PKD2L1: variants seen among roughly 807,000 people sequenced by gnomAD.
PKD2L1 encodes polycystin-2-like protein 1.
A neutral mutation model predicts 93.0 loss-of-function variants in PKD2L1; 77 were observed. That is an observed-to-expected ratio of 0.83 (90% confidence interval 0.69 to 1.00). PKD2L1 has a LOEUF of 1.00. Ranked by LOEUF, PKD2L1 falls within the 50% of genes least tolerant of loss-of-function variation. The pLI is 0.00. For missense variants in PKD2L1, 977 were observed against 990.9 expected (o/e 0.99, Z 0.19); for synonymous variants, 390 against 388.0 (o/e 1.01, Z -0.06).
intron 2 of PKD2L1, among the ~76,000 whole-genome samples, chr10:100,310,177 A>G (rs1848901683): frequency 6.6e-6 from 1 of 152,060 alleles, no homozygotes; most frequent in Non-Finnish European, 1.5e-5. Context: ...CTACAAAAAG[A>G]GAAAAAATTA....
At position 100,296,960 on chromosome 10, in the gene PKD2L1, C is replaced by T; in HGVS notation, c.1185+20G>A. 1 of 1,543,866 alleles carries T rather than the reference C, an allele frequency of 6.5e-7. No individual in the cohort carries two copies. Among genetic ancestry groups the T allele is most frequent in the Non-Finnish European group, 9.0e-7 (1 of 1,116,848 alleles). On this transcript the variant is annotated intron_variant, in intron 6 of 15. Coordinates refer to ENST00000318222, the MANE Select transcript of PKD2L1 (RefSeq NM_016112.3). ...CTCCTCACCCCAGAATGTCCCAAGT[C>T]CTAGATATCTGTCCCTCACCAAGAT...
intron 2 of PKD2L1, among the ~76,000 whole-genome samples, chr10:100,313,159 G>C (rs974909935): frequency 6.6e-6 from 1 of 152,154 alleles, no homozygotes; most frequent in Non-Finnish European, 1.5e-5. Context: ...GAGCTATTTT[G>C]CTCAAGATCT....
chr10:100,300,025 T>C (rs1053919242), intron 2 of PKD2L1, among the ~76,000 whole-genome samples: 1 of 152,264 alleles, frequency 6.6e-6, no homozygotes, highest in Non-Finnish European at 1.5e-5. Flanking sequence ...CCAGCTTAAC[T>C]TCCCAGTTCT....
intron 9 of PKD2L1, 36 bp downstream of exon 9, chr10:100,294,499 G>A (rs1004889708): frequency 6.2e-7 from 1 of 1,612,224 alleles, no homozygotes; most frequent in Non-Finnish European, 8.5e-7. Context: ...CACCCTGCAG[G>A]CTCTCTATGT....
chr10:100,308,130 T>C (rs768225255), intron 2 of PKD2L1, among the ~76,000 whole-genome samples: 3 of 152,014 alleles, frequency 2.0e-5, no homozygotes, highest in Non-Finnish European at 4.4e-5. Flanking sequence ...TGGACAGAAA[T>C]TAAATTCTTC....
intron 2 of PKD2L1, among the ~76,000 whole-genome samples, chr10:100,327,120 C>T (rs1849396764): frequency 6.6e-6 from 1 of 152,156 alleles, no homozygotes; most frequent in Non-Finnish European, 1.5e-5. Context: ...CTCAGTCCAA[C>T]GTCTGGCTCA....
chr10:100,307,174 C>T (rs1371636720), intron 2 of PKD2L1, among the ~76,000 whole-genome samples: 1 of 152,184 alleles, frequency 6.6e-6, no homozygotes, highest in African/African-American at 2.4e-5. Context: ...GTGTTAAGTG[C>T]TTGACATGCT....
intron 2 of PKD2L1, among the ~76,000 whole-genome samples, chr10:100,309,072 A>G (rs1280998908): frequency 6.6e-6 from 1 of 152,130 alleles, no homozygotes; most frequent in Non-Finnish European, 1.5e-5. Context: ...CAAAAATGAT[A>G]CCTGGGTTAT....
intron 2 of PKD2L1, among the ~76,000 whole-genome samples, chr10:100,301,064 G>A (rs775587403): frequency 1.9e-4 from 29 of 152,100 alleles, no homozygotes; most frequent in African/African-American, 6.3e-4. Flanking sequence ...GTCACATGTC[G>A]GCAGGTTCCA....
chr10:100,297,337 C>T (rs746542951), intron 5 of PKD2L1, 45 bp downstream of exon 5: 30 of 1,565,212 alleles, frequency 1.9e-5, no homozygotes, highest in South Asian at 4.4e-5. Flanking sequence ...GAGACGGGAA[C>T]CAGGAGCCAT....
In PKD2L1 at chr10:100,288,412, G is replaced by A. The variant is rs751912666; in HGVS notation, c.2402C>T (p.Thr801Met). The change falls in exon 16 of 16, where the codon ACG (threonine) becomes ATG (methionine). Residue 801 changes from threonine (T) to methionine (M), a missense_variant. Thr to Met is a moderately conservative substitution (Grantham distance 81). Coordinates refer to ENST00000318222, the MANE Select transcript of PKD2L1 (RefSeq NM_016112.3). The stretch of plus-strand genomic sequence containing the variant: ...GCCTCACACTTAACTCCTCTGCAAC[G>A]TTGGAATCTCACCACGGGAGAGTCT... Reference protein sequence around the residue: ...ERRLSRGEIPTLQRS With the variant: ...ERRLSRGEIPMLQRS 2.8e-5 allele frequency: 45 copies of A among 1,610,546 alleles called. No individual in the cohort carries two copies. The highest frequency in any genetic ancestry group is 2.5e-4 in the East Asian group (11 of 44,876).
At chr10:100,323,652 T>C (rs1481951655) in intron 2 of PKD2L1, among the ~76,000 whole-genome samples, 2 of 152,194 alleles carry the variant, frequency 1.3e-5, no homozygotes, top group Non-Finnish European at 2.9e-5. Flanking sequence ...AATTAACATA[T>C]CCATCATCTC....
chr10:100,300,870 T>C (rs1589667233), intron 2 of PKD2L1, among the ~76,000 whole-genome samples: 1 of 152,160 alleles, frequency 6.6e-6, no homozygotes, highest in African/African-American at 2.4e-5. Context: ...TTTTTCACTG[T>C]TGTTGCCCAG....
intron 2 of PKD2L1, among the ~76,000 whole-genome samples, chr10:100,314,166 G>A (rs1323935160): frequency 6.6e-6 from 1 of 151,986 alleles, no homozygotes; most frequent in Non-Finnish European, 1.5e-5. Context: ...CACTTGGAAG[G>A]GTATGAAATT....
intron 11 of PKD2L1, among the ~76,000 whole-genome samples, chr10:100,292,292 G>C (rs1461353004): frequency 1.3e-5 from 2 of 152,054 alleles, no homozygotes; most frequent in Non-Finnish European, 2.9e-5. Context: ...AGGAGTTTGA[G>C]ACCAGCCTGG....
chr10:100,328,443 G>GATCT (rs1369991862), intron 2 of PKD2L1, among the ~76,000 whole-genome samples: 2 of 152,154 alleles, frequency 1.3e-5, no homozygotes, highest in Admixed American at 1.3e-4. Flanking sequence ...AGGGATCTGA[G>GATCT]ATCTAAGGTC....
At chr10:100,291,541 G>C in intron 11 of PKD2L1, 114 bp from the exon 12 acceptor site, 1 of 1,080,176 alleles carries the variant, frequency 9.3e-7, no homozygotes, top group Admixed American at 2.4e-5. Flanking sequence ...TGGTAAAGAA[G>C]GTTCTCCAAA....
chr10:100,296,042 A>G (rs1167540858), intron 7 of PKD2L1, 80 bp downstream of exon 7: 1 of 1,375,650 alleles, frequency 7.3e-7, no homozygotes, highest in Non-Finnish European at 1.0e-6. Flanking sequence ...CTCAAAAAAA[A>G]AAAAAAGAAA....
At position 100,293,270 on chromosome 10, in the gene PKD2L1, T is replaced by C. The variant is rs756982813; in HGVS notation, c.1758+11A>G. 6.3e-7 allele frequency: 1 copy of C among 1,596,234 alleles called. No individual in the cohort carries two copies. Among genetic ancestry groups the C allele is most frequent in the East Asian group, 2.2e-5 (1 of 44,792 alleles). On this transcript the variant is annotated intron_variant, in intron 10 of 15. Transcript: ENST00000318222. The stretch of plus-strand genomic sequence containing the variant: ...ATGGAAATGTGTAGCTCAAGGAGAT[T>C]GAGCAATCACCTGTTTCAGGAGGTC...
Sources: gnomAD v4.1 joint callset for allele counts (sites outside exome capture counted in the v4.1 genomes callset) on GRCh38, gnomAD v4.1.1 for gene constraint, MANE v1.5 for transcripts, NCBI Gene and HGNC (gene_info 2026-07-23, HGNC 2026-07-21) for gene names.